The following UNC5C variants were observed in gnomAD, a reference collection of about 807,000 sequenced individuals.
The protein encoded by UNC5C is netrin receptor UNC5C.
Under a neutral mutation model 99.8 loss-of-function variants are expected in UNC5C, and 47 were observed. That is an observed-to-expected ratio of 0.47 (90% CI 0.37 to 0.60). UNC5C has a LOEUF of 0.60. UNC5C is among the 20% of genes least tolerant of loss of function. UNC5C has a pLI of 0.00. For synonymous variants in UNC5C, 487 were observed against 452.2 expected (o/e 1.08, Z -0.98); for missense variants, 1,062 against 1,165.9 (o/e 0.91, Z 1.30).
intron 1 of UNC5C, among the ~76,000 whole-genome samples, chr4:95,463,271 C>T (rs574476350): frequency 6.6e-6 from 1 of 152,242 alleles, no homozygotes; most frequent in South Asian, 2.1e-4. Flanking sequence ...GTGGACACAT[C>T]CCTAACAGGG....
At chr4:95,437,863 G>A (rs1746837270) in intron 1 of UNC5C, among the ~76,000 whole-genome samples, 2 of 152,106 alleles carry the variant, frequency 1.3e-5, no homozygotes, top group South Asian at 4.1e-4. Flanking sequence ...ATAAAATAGA[G>A]TGGTAGGATC....
chr4:95,303,442 A>G (rs1461394019), intron 2 of UNC5C, among the ~76,000 whole-genome samples: 1 of 152,060 alleles, frequency 6.6e-6, no homozygotes, highest in South Asian at 2.1e-4. Flanking sequence ...TTGGGAGGCC[A>G]AGGCAGGCGG....
At chr4:95,248,755 G>T in intron 5 of UNC5C, 1 of 330,660 alleles carries the variant, frequency 3.0e-6, no homozygotes, top group Admixed American at 4.4e-5. Flanking sequence ...TGTTCCATAA[G>T]GTTATAACAA....
intron 1 of UNC5C, among the ~76,000 whole-genome samples, chr4:95,493,424 C>T (rs543305975): frequency 2.0e-5 from 3 of 151,214 alleles, no homozygotes; most frequent in Non-Finnish European, 4.4e-5. Context: ...CACTGAATTG[C>T]GAACCGAAGT....
intron 14 of UNC5C, among the ~76,000 whole-genome samples, chr4:95,173,878 T>C (rs1736226837): frequency 6.6e-6 from 1 of 151,962 alleles, no homozygotes; most frequent in African/African-American, 2.4e-5. Context: ...TCCTGGACTC[T>C]TTTTGGTTGG....
At chr4:95,419,055 T>G (rs555139241) in intron 1 of UNC5C, among the ~76,000 whole-genome samples, 1 of 152,354 alleles carries the variant, frequency 6.6e-6, no homozygotes, top group Non-Finnish European at 1.5e-5. Context: ...CATAAAGAGA[T>G]ATTTAGAATT....
intron 1 of UNC5C, among the ~76,000 whole-genome samples, chr4:95,374,227 C>T (rs1744829283): frequency 6.6e-6 from 1 of 152,066 alleles, no homozygotes; most frequent in South Asian, 2.1e-4. Flanking sequence ...TGGAGGTTTG[C>T]ACACCATATG....
chr4:95,274,559 C>T (rs762924930), intron 4 of UNC5C, among the ~76,000 whole-genome samples: 3 of 151,784 alleles, frequency 2.0e-5, no homozygotes, highest in South Asian at 4.2e-4. Flanking sequence ...AAGGAGTCCT[C>T]GGTTGGCCTC....
chr4:95,286,359 T>G (rs1188696471), intron 3 of UNC5C, among the ~76,000 whole-genome samples: 1 of 152,178 alleles, frequency 6.6e-6, no homozygotes, highest in African/African-American at 2.4e-5. Context: ...ACTCCACAGG[T>G]GTGTTTTCTG....
At chr4:95,383,740 A>G (rs911316103) in intron 1 of UNC5C, among the ~76,000 whole-genome samples, 9 of 152,314 alleles carry the variant, frequency 5.9e-5, no homozygotes, top group African/African-American at 1.7e-4. Context: ...CATCAGTTTT[A>G]ATATTGCATT....
chr4:95,472,332 G>C (rs73838877), intron 1 of UNC5C, among the ~76,000 whole-genome samples: 5,038 of 152,098 alleles, frequency 0.033, 166 homozygotes, highest in African/African-American at 0.081. Context: ...ATTCTTATAT[G>C]AGATAGATTC....
intron 1 of UNC5C, among the ~76,000 whole-genome samples, chr4:95,365,060 C>T (rs574795090): frequency 4.6e-5 from 7 of 151,022 alleles, no homozygotes; most frequent in South Asian, 2.1e-4. Context: ...TTTGGGAGTC[C>T]GAGAAAGGCG....
intron 4 of UNC5C, among the ~76,000 whole-genome samples, chr4:95,275,113 G>A (rs927746013): frequency 1.2e-4 from 18 of 152,092 alleles, no homozygotes; most frequent in Admixed American, 5.2e-4. Context: ...CAATTATTTG[G>A]TAGTGTTGTT....
chr4:95,175,613 G>C lies in UNC5C; in HGVS notation c.2452-5281C>G, dbSNP rs1160247682. 2.6e-5 allele frequency among the ~76,000 whole-genome samples: 4 copies of C among 152,178 alleles called. No homozygotes were observed. The South Asian group carries it at 8.3e-4, about 31-fold the overall frequency. ...TTGTAGAGTTTCTGCTGAGAGATCA[G>C]GTGTTAGTCTGATGGGCTTCCCTTT... On this transcript the variant is annotated intron_variant, in intron 14 of 15. Transcript: ENST00000453304.
At chr4:95,431,719 A>G (rs1356853169) in intron 1 of UNC5C, among the ~76,000 whole-genome samples, 1 of 152,084 alleles carries the variant, frequency 6.6e-6, no homozygotes, top group East Asian at 1.9e-4. Flanking sequence ...CTCTGCTAAA[A>G]AAGACCAGAG....
At chr4:95,268,402 A>T (rs1740532441) in intron 4 of UNC5C, among the ~76,000 whole-genome samples, 1 of 152,226 alleles carries the variant, frequency 6.6e-6, no homozygotes, top group Non-Finnish European at 1.5e-5. Flanking sequence ...GGAAGGAAAG[A>T]CCAATTAAAT....
At chr4:95,213,416 A>G (rs1434998740) in intron 10 of UNC5C, among the ~76,000 whole-genome samples, 2 of 152,238 alleles carry the variant, frequency 1.3e-5, no homozygotes, top group Non-Finnish European at 2.9e-5. Flanking sequence ...TCTGTAAAGC[A>G]GGAGAGGTAG....
intron 1 of UNC5C, among the ~76,000 whole-genome samples, chr4:95,503,400 C>G (rs1721830588): frequency 1.3e-5 from 2 of 152,078 alleles, no homozygotes; most frequent in African/African-American, 4.8e-5. Flanking sequence ...ACAAAATGAA[C>G]TAAGACAATA....
chr4:95,448,177 A>C (rs1747161845), intron 1 of UNC5C, among the ~76,000 whole-genome samples: 1 of 146,500 alleles, frequency 6.8e-6, no homozygotes. Context: ...ACAAGTATTC[A>C]AGTTTTGCTA....
Sources: allele counts gnomAD v4.1 joint callset (sites outside exome capture counted in the v4.1 genomes callset), GRCh38; gene constraint gnomAD v4.1.1; transcripts MANE v1.5; gene names NCBI Gene and HGNC (gene_info 2026-07-23, HGNC 2026-07-21).